Variants in RABL3 observed in about 807,000 individuals in gnomAD.
RABL3 encodes rab-like protein 3.
A neutral mutation model predicts 31.8 loss-of-function variants in RABL3; 31 were observed. The ratio of observed to expected loss-of-function variants is 0.97; its 90% CI spans 0.73 to 1.31. The LOEUF is 1.31. Among genes scored for constraint, RABL3 ranks in the 40% most tolerant of loss-of-function variants. The pLI, the probability that RABL3 is intolerant of heterozygous loss-of-function variation, is 0.00. For synonymous variants in RABL3, 97 were observed against 99.9 expected (o/e 0.97, Z 0.18); for missense variants, 263 against 279.6 (o/e 0.94, Z 0.42).
chr3:120,730,377 T>C (rs776827404), intron 2 of RABL3, among the ~76,000 whole-genome samples: 3 of 152,202 alleles, frequency 2.0e-5, no homozygotes, highest in African/African-American at 7.2e-5. Context: ...AGCACAAGCT[T>C]AGGCAGAATT....
intron 2 of RABL3, among the ~76,000 whole-genome samples, chr3:120,713,334 T>C (rs751753251): frequency 6.6e-6 from 1 of 152,250 alleles, no homozygotes; most frequent in Non-Finnish European, 1.5e-5. Flanking sequence ...TGGCTAAGTT[T>C]AACCCAATTC....
chr3:120,709,104 G>A (rs1708583308), intron 3 of RABL3, among the ~76,000 whole-genome samples: 2 of 151,946 alleles, frequency 1.3e-5, no homozygotes, highest in Non-Finnish European at 2.9e-5. Context: ...TTGAAATTAT[G>A]TTTCACAGTA....
chr3:120,738,051 C>G (rs542467231), intron 1 of RABL3, among the ~76,000 whole-genome samples: 29 of 152,168 alleles, frequency 1.9e-4, no homozygotes, highest in Non-Finnish European at 3.4e-4. Flanking sequence ...CAAAGCTGTC[C>G]GACAGGGACA....
rs559505564 is a variant in RABL3, at chr3:120,716,628, A to T, written c.139-6719T>A. ...CTTAAAGTATAATAATAATAAAATT[A>T]AAAAAAAAAGAAAAAAAAAGAGGCA... On this transcript the variant is annotated intron_variant, in intron 2 of 7. Coordinates refer to ENST00000273375, the MANE Select transcript of RABL3 (RefSeq NM_173825.5). Among the ~76,000 whole-genome samples the T allele has an allele frequency of 1.0e-3, 147 of 143,502 alleles. 1 individual carries two copies. The highest frequency in any genetic ancestry group is 3.8e-3 in the African/African-American group (136 of 35,950). The allele number at this position is 143,502 out of a possible 152,430, so 94.1% of individuals were successfully genotyped here.
At chr3:120,692,646 A>G (rs952901638) in intron 6 of RABL3, among the ~76,000 whole-genome samples, 3 of 152,178 alleles carry the variant, frequency 2.0e-5, no homozygotes, top group East Asian at 1.9e-4. Context: ...GTTGTGATTC[A>G]GGCAATAAAA....
chr3:120,689,028 C>G lies in RABL3; in HGVS notation c.*795G>C, dbSNP rs1244588132. 6.6e-6 allele frequency: 1 copy of G among 152,180 alleles called. No individual in the cohort carries two copies. The highest frequency in any genetic ancestry group is 2.1e-4 in the South Asian group (1 of 4,816). 9.4% of individuals were successfully genotyped at this position (152,180 alleles called of 1,614,324 possible). ...AATAGAGAGGAGGCTGTAAATGTCTCTCACTGCCCTTGTGCAGGTCTTAGA... is the reference window on the plus strand; with the variant it reads ...AATAGAGAGGAGGCTGTAAATGTCTGTCACTGCCCTTGTGCAGGTCTTAGA... On this transcript the variant is annotated 3_prime_UTR_variant, in exon 8 of 8. Transcript: ENST00000273375.
chr3:120,715,360 G>A (rs1004042280), intron 2 of RABL3, among the ~76,000 whole-genome samples: 3 of 152,006 alleles, frequency 2.0e-5, no homozygotes, highest in Admixed American at 1.3e-4. Context: ...CCAACATGGC[G>A]AAACCTGTCT....
intron 1 of RABL3, among the ~76,000 whole-genome samples, chr3:120,739,029 C>T (rs1379457899): frequency 6.6e-6 from 1 of 152,116 alleles, no homozygotes; most frequent in East Asian, 1.9e-4. Flanking sequence ...TCTTGTTGCA[C>T]CTCAACAGTA....
chr3:120,732,563 T>A (rs1576347410), intron 1 of RABL3, among the ~76,000 whole-genome samples: 1 of 152,162 alleles, frequency 6.6e-6, no homozygotes, highest in Non-Finnish European at 1.5e-5. Context: ...ATTTATTTAT[T>A]TGTTTATTTT....
At chr3:120,737,836 C>T (rs1236011102) in intron 1 of RABL3, among the ~76,000 whole-genome samples, 4 of 152,228 alleles carry the variant, frequency 2.6e-5, no homozygotes, top group East Asian at 1.9e-4. Flanking sequence ...GGCAGAACAG[C>T]GAATATTGCT....
chr3:120,716,530 G>A (rs920093583), intron 2 of RABL3, among the ~76,000 whole-genome samples: 20 of 151,670 alleles, frequency 1.3e-4, no homozygotes, highest in Admixed American at 9.8e-4. Context: ...GGCAACTGTT[G>A]GGTGCAGCAC....
intron 1 of RABL3, among the ~76,000 whole-genome samples, chr3:120,735,066 G>A (rs1050443902): frequency 6.6e-6 from 1 of 152,226 alleles, no homozygotes; most frequent in South Asian, 2.1e-4. Context: ...CGTAAAATGA[G>A]TTAGGGAGGG....
intron 2 of RABL3, among the ~76,000 whole-genome samples, chr3:120,724,902 T>C (rs1209640314): frequency 3.3e-5 from 5 of 152,090 alleles, no homozygotes; most frequent in Non-Finnish European, 5.9e-5. Context: ...AAGGACTTCA[T>C]GTCTAAAACA....
At chr3:120,690,634 T>C in intron 6 of RABL3, 147 bp from the exon 7 acceptor site, 1 of 561,724 alleles carries the variant, frequency 1.8e-6, no homozygotes, top group South Asian at 2.9e-5. Context: ...CAGCTAAAAA[T>C]CTGGTGTTAA....
chr3:120,717,178 C>A (rs529923966), intron 2 of RABL3, among the ~76,000 whole-genome samples: 1 of 151,976 alleles, frequency 6.6e-6, no homozygotes, highest in Admixed American at 6.6e-5. Context: ...ATCGCTTGAA[C>A]CTGGGAGGTG....
intron 1 of RABL3, among the ~76,000 whole-genome samples, chr3:120,740,247 A>T (rs1447882373): frequency 6.6e-6 from 1 of 152,146 alleles, no homozygotes; most frequent in Non-Finnish European, 1.5e-5. Flanking sequence ...AAATCACCAA[A>T]TATCAACTTA....
chr3:120,696,079 G>C (rs1036928765), intron 5 of RABL3, among the ~76,000 whole-genome samples: 1 of 152,146 alleles, frequency 6.6e-6, no homozygotes, highest in Non-Finnish European at 1.5e-5. Flanking sequence ...TCGCTTCAAA[G>C]TAAATACGTA....
intron 5 of RABL3, among the ~76,000 whole-genome samples, chr3:120,695,582 T>A (rs1708427869): frequency 6.6e-6 from 1 of 152,194 alleles, no homozygotes; most frequent in Non-Finnish European, 1.5e-5. Flanking sequence ...GATTGAATTT[T>A]CAGGCACAAC....
chr3:120,717,564 G>C (rs1708686054), intron 2 of RABL3, among the ~76,000 whole-genome samples: 1 of 152,120 alleles, frequency 6.6e-6, no homozygotes, highest in Non-Finnish European at 1.5e-5. Flanking sequence ...CGCATCCCGG[G>C]TTCAAGCCAT....
Sources: gnomAD v4.1 joint callset for allele counts (sites outside exome capture counted in the v4.1 genomes callset) on GRCh38, gnomAD v4.1.1 for gene constraint, MANE v1.5 for transcripts, NCBI Gene and HGNC (gene_info 2026-07-23, HGNC 2026-07-21) for gene names.